The following CDH10 variants were observed in gnomAD, a reference collection of about 807,000 sequenced individuals.
CDH10 encodes the protein cadherin-10.
In CDH10, 30 loss-of-function variants were observed where a neutral mutation model predicts 73.1. The observed-to-expected ratio is 0.41, with a 90% CI of 0.31 to 0.56. The LOEUF (loss-of-function observed/expected upper bound fraction) is 0.56. Among genes scored for constraint, CDH10 ranks in the 20% least tolerant of loss-of-function variants. The probability of loss-of-function intolerance (pLI) is 0.27; values close to 1 mark genes in which losing one functional copy is unlikely to be tolerated. For missense variants in CDH10, 815 were observed against 973.7 expected, an observed-to-expected ratio of 0.84 and a Z score of 2.17; for synonymous variants, 345 against 348.2, an observed-to-expected ratio of 0.99 and a Z score of 0.10.
chr5:24,547,333 T>C (rs546709044), intron 2 of CDH10, among the ~76,000 whole-genome samples: 1 of 152,258 alleles, frequency 6.6e-6, no homozygotes, highest in African/African-American at 2.4e-5. Flanking sequence ...AATTGCTATG[T>C]AAACAAGAAC....
chr5:24,629,742 A>G (rs1747640604), intron 1 of CDH10, among the ~76,000 whole-genome samples: 1 of 152,058 alleles, frequency 6.6e-6, no homozygotes, highest in Non-Finnish European at 1.5e-5. Flanking sequence ...GCTGCCATGT[A>G]AGACATGCCT....
chr5:24,634,499 A>C (rs1354103561), intron 1 of CDH10, among the ~76,000 whole-genome samples: 4 of 151,818 alleles, frequency 2.6e-5, no homozygotes, highest in Non-Finnish European at 5.9e-5. Flanking sequence ...TATTTTGCCA[A>C]ATATTATAGT....
chr5:24,571,556 A>G (rs534261035), intron 2 of CDH10, among the ~76,000 whole-genome samples: 6 of 152,304 alleles, frequency 3.9e-5, no homozygotes, highest in Middle Eastern at 3.4e-3. Context: ...ATTGGCCATG[A>G]GAGCTAAATT....
At chr5:24,604,871 T>TAAAAAAAAA in intron 1 of CDH10, among the ~76,000 whole-genome samples, 1 of 116,334 alleles carries the variant, frequency 8.6e-6, no homozygotes, top group Non-Finnish European at 1.7e-5. Flanking sequence ...AAGATGTCTC[T>TAAAAAAAAA]AAAAAAAAAA....
chr5:24,504,495 C>T (rs1742610999), intron 8 of CDH10, among the ~76,000 whole-genome samples: 1 of 84,194 alleles, frequency 1.2e-5, no homozygotes, highest in African/African-American at 3.7e-5. Flanking sequence ...AAATGCTTTT[C>T]TCCTATTAAT....
At chr5:24,589,145 A>C (rs1223377459) in intron 2 of CDH10, among the ~76,000 whole-genome samples, 1 of 152,154 alleles carries the variant, frequency 6.6e-6, no homozygotes, top group Non-Finnish European at 1.5e-5. Flanking sequence ...AAGGTCCTCC[A>C]TATATTTGCT....
At chr5:24,510,519 C>T (rs16893472) in intron 6 of CDH10, among the ~76,000 whole-genome samples, 2,231 of 152,212 alleles carry the variant, frequency 0.015, 54 homozygotes, top group African/African-American at 0.047. Flanking sequence ...CAGATTCCCT[C>T]GACCTTTTAT....
chr5:24,643,169 T>G (rs1039182446), intron 1 of CDH10, among the ~76,000 whole-genome samples: 7 of 152,132 alleles, frequency 4.6e-5, no homozygotes, highest in African/African-American at 1.7e-4. Context: ...GTGCCACATT[T>G]AGTACACTCG....
chr5:24,554,117 G>GCGAGAGAGAGAGAGA (rs1377523348), intron 2 of CDH10: 1 of 41,838 alleles, frequency 2.4e-5, no homozygotes, highest in African/African-American at 7.9e-5. Context: ...TGGGCGGGGG[G>GCGAGAGAGAGAGAGA]GGGAGAGAGA....
intron 1 of CDH10, among the ~76,000 whole-genome samples, chr5:24,623,067 C>A (rs567925889): frequency 6.6e-6 from 1 of 151,926 alleles, no homozygotes; most frequent in African/African-American, 2.4e-5. Context: ...AAATGCTATG[C>A]CTCCGCCAGA....
chr5:24,590,463 A>G (rs998656119), intron 2 of CDH10, among the ~76,000 whole-genome samples: 2 of 151,882 alleles, frequency 1.3e-5, no homozygotes, highest in Admixed American at 1.3e-4. Flanking sequence ...TGGATAAGAA[A>G]ATGAAGGCCA....
chr5:24,640,987 C>T (rs1371671718), intron 1 of CDH10, among the ~76,000 whole-genome samples: 1 of 151,892 alleles, frequency 6.6e-6, no homozygotes, highest in Non-Finnish European at 1.5e-5. Flanking sequence ...CAGATTATTT[C>T]AACTCATCAT....
intron 5 of CDH10, among the ~76,000 whole-genome samples, chr5:24,524,764 G>C (rs761744133): frequency 3.6e-4 from 54 of 152,072 alleles, no homozygotes; most frequent in Non-Finnish European, 7.2e-4. Flanking sequence ...TAAAAATCTA[G>C]AAGGTAACAT....
At position 24,556,531 on chromosome 5, in the gene CDH10, T is replaced by C. The variant is rs1343182838; in HGVS notation, c.232-18857A>G. On this transcript the variant is annotated intron_variant, in intron 2 of 11. Transcript: ENST00000264463. ...AACATTTTTTACCAGTTATTTTATA[T>C]GATTAGCTCTGCAAGCCTCCTTTAA... Among the ~76,000 whole-genome samples the C allele has an allele frequency of 2.0e-5, 3 of 151,844 alleles. No homozygotes were observed. In the East Asian group the frequency reaches 5.8e-4, roughly 29 times the overall value.
At chr5:24,568,385 C>T (rs1745240785) in intron 2 of CDH10, among the ~76,000 whole-genome samples, 2 of 151,938 alleles carry the variant, frequency 1.3e-5, no homozygotes, top group Admixed American at 1.3e-4. Context: ...CCAGTAAGTA[C>T]ATAAAAAGAT....
At chr5:24,498,110 T>A (rs555629107) in intron 9 of CDH10, among the ~76,000 whole-genome samples, 1 of 152,240 alleles carries the variant, frequency 6.6e-6, no homozygotes, top group African/African-American at 2.4e-5. Context: ...TGCTTGTCTT[T>A]GTTTTTGAAA....
intron 5 of CDH10, among the ~76,000 whole-genome samples, chr5:24,533,252 G>A (rs528365598): frequency 7.9e-5 from 12 of 151,852 alleles, no homozygotes; most frequent in South Asian, 4.2e-4. Flanking sequence ...ACTTGAACCC[G>A]GGAGGTGGAG....
intron 1 of CDH10, among the ~76,000 whole-genome samples, chr5:24,594,694 T>C (rs1746312228): frequency 6.6e-6 from 1 of 151,946 alleles, no homozygotes; most frequent in African/African-American, 2.4e-5. Context: ...ATGATTTTCC[T>C]GTAGATGTTC....
rs1742834878 is a variant in CDH10, at chr5:24,509,837, T to A, written c.1003-18A>T. The A allele has an allele frequency of 6.3e-7, 1 of 1,589,230 alleles. No homozygotes were observed. The highest frequency in any genetic ancestry group is 1.1e-5 in the South Asian group (1 of 87,320). On this transcript the variant is annotated intron_variant, in intron 6 of 11. Coordinates refer to ENST00000264463, the MANE Select transcript of CDH10 (RefSeq NM_006727.5). ...TCGAGTGGCTGTATAAAAAAATAAA[T>A]CATCAAATTAGAGTGAGGGAAATTG...
Sources: gnomAD v4.1 joint callset for allele counts (sites outside exome capture counted in the v4.1 genomes callset) on GRCh38, gnomAD v4.1.1 for gene constraint, MANE v1.5 for transcripts, NCBI Gene and HGNC (gene_info 2026-07-23, HGNC 2026-07-21) for gene names.